The following ASIC2 variants were observed in gnomAD, a reference collection of about 807,000 sequenced individuals.
ASIC2 encodes acid-sensing ion channel 2.
Under a neutral mutation model 57.3 loss-of-function variants are expected in ASIC2, and 25 were observed. That is an observed-to-expected ratio of 0.44 (90% CI 0.32 to 0.61). The LOEUF is 0.61. Ranked by LOEUF, ASIC2 falls within the 20% of genes least tolerant of loss-of-function variation. The pLI is 0.06. For missense variants in ASIC2, 641 were observed against 738.1 expected, an observed-to-expected ratio of 0.87 and a Z score of 1.52; for synonymous variants, 319 against 307.5, an observed-to-expected ratio of 1.04 and a Z score of -0.39.
At chr17:33,207,898 T>C (rs1466783081) in intron 1 of ASIC2, among the ~76,000 whole-genome samples, 2 of 152,234 alleles carry the variant, frequency 1.3e-5, no homozygotes, top group African/African-American at 2.4e-5. Context: ...GCCAACTTGA[T>C]TAATAATGTA....
intron 1 of ASIC2, among the ~76,000 whole-genome samples, chr17:33,139,903 A>G (rs1389172458): frequency 6.6e-6 from 1 of 152,254 alleles, no homozygotes; most frequent in African/African-American, 2.4e-5. Flanking sequence ...CACGGTACAG[A>G]AACTCAGTCT....
chr17:33,358,044 A>G (rs201811833), intron 1 of ASIC2, among the ~76,000 whole-genome samples: 2 of 152,192 alleles, frequency 1.3e-5, no homozygotes, highest in African/African-American at 2.4e-5. Context: ...TTTGACAATC[A>G]TATATTCTGG....
intron 1 of ASIC2, among the ~76,000 whole-genome samples, chr17:33,559,182 G>A (rs1366941084): frequency 6.6e-6 from 1 of 152,150 alleles, no homozygotes; most frequent in Admixed American, 6.5e-5. Flanking sequence ...TTGACTTCTA[G>A]TATTTTTGCT....
intron 1 of ASIC2, among the ~76,000 whole-genome samples, chr17:33,812,867 G>T (rs1912466258): frequency 6.6e-6 from 1 of 152,194 alleles, no homozygotes; most frequent in Admixed American, 6.5e-5. Context: ...ACCTCTCACT[G>T]GGTGTGGGTC....
At chr17:33,573,082 C>A (rs1916503300) in intron 1 of ASIC2, among the ~76,000 whole-genome samples, 1 of 152,158 alleles carries the variant, frequency 6.6e-6, no homozygotes, top group Admixed American at 6.5e-5. Flanking sequence ...AGGTGCCAAT[C>A]TTCAGAGGGG....
intron 1 of ASIC2, among the ~76,000 whole-genome samples, chr17:33,928,199 G>A (rs1165765715): frequency 6.6e-6 from 1 of 152,202 alleles, no homozygotes; most frequent in Non-Finnish European, 1.5e-5. Context: ...GGAAACCCAT[G>A]TTATTTCAGA....
chr17:34,059,513 C>T (rs1045182722), intron 1 of ASIC2, among the ~76,000 whole-genome samples: 7 of 152,162 alleles, frequency 4.6e-5, no homozygotes, highest in African/African-American at 1.7e-4. Context: ...GGGCAGGGCG[C>T]AAATTGGGCG....
intron 1 of ASIC2, among the ~76,000 whole-genome samples, chr17:33,526,589 C>T (rs1914890182): frequency 6.6e-6 from 1 of 150,398 alleles, no homozygotes; most frequent in South Asian, 2.1e-4. Context: ...AGAGTAGGCA[C>T]TCACTAAGAA....
intron 1 of ASIC2, among the ~76,000 whole-genome samples, chr17:34,074,333 T>C (rs1567810004): frequency 6.6e-6 from 1 of 152,112 alleles, no homozygotes; most frequent in Non-Finnish European, 1.5e-5. Flanking sequence ...GATCCCCAAA[T>C]CTAGTTATTA....
intron 1 of ASIC2, among the ~76,000 whole-genome samples, chr17:34,049,242 T>C (rs1351385429): frequency 6.6e-6 from 1 of 152,070 alleles, no homozygotes; most frequent in Non-Finnish European, 1.5e-5. Context: ...CAGTGAACCA[T>C]GGATTGTGTC....
chr17:33,295,721 G>A (rs941938875), upstream of ASIC2, among the ~76,000 whole-genome samples: 2 of 152,118 alleles, frequency 1.3e-5, no homozygotes, highest in African/African-American at 4.8e-5. Flanking sequence ...CACTGTTACC[G>A]GGGAAGAGGA....
intron 1 of ASIC2, among the ~76,000 whole-genome samples, chr17:33,697,717 C>T (rs1908570501): frequency 6.6e-6 from 1 of 152,204 alleles, no homozygotes; most frequent in Non-Finnish European, 1.5e-5. Context: ...CTAAGGACTG[C>T]TGCTCTTAAA....
intron 1 of ASIC2, among the ~76,000 whole-genome samples, chr17:33,497,568 G>T (rs1405444577): frequency 6.6e-6 from 1 of 152,184 alleles, no homozygotes; most frequent in African/African-American, 2.4e-5. Flanking sequence ...AGAATGCAGA[G>T]AAGTCTAGTT....
At chr17:33,579,569 G>A (rs1415744935) in intron 1 of ASIC2, among the ~76,000 whole-genome samples, 1 of 152,114 alleles carries the variant, frequency 6.6e-6, no homozygotes, top group Non-Finnish European at 1.5e-5. Flanking sequence ...AGACCCTACT[G>A]GTGAGTGTTA....
intron 1 of ASIC2, among the ~76,000 whole-genome samples, chr17:34,016,095 G>A (rs184041120): frequency 6.3e-4 from 96 of 152,320 alleles, no homozygotes; most frequent in Middle Eastern, 6.8e-3. Flanking sequence ...AAAAGTATAA[G>A]ATGTGCTCAT....
At chr17:33,432,100 G>A (rs1206672005) in intron 1 of ASIC2, among the ~76,000 whole-genome samples, 1 of 152,166 alleles carries the variant, frequency 6.6e-6, no homozygotes. Flanking sequence ...AACAACATGA[G>A]GTTGAGCTGC....
chr17:33,576,300 G>A (rs1164044367), intron 1 of ASIC2, among the ~76,000 whole-genome samples: 1 of 152,140 alleles, frequency 6.6e-6, no homozygotes, highest in East Asian at 1.9e-4. Flanking sequence ...TTCAAATCCT[G>A]TTTCTAGCCA....
chr17:33,674,064 T>G (rs1907729711), intron 1 of ASIC2, among the ~76,000 whole-genome samples: 1 of 152,130 alleles, frequency 6.6e-6, no homozygotes, highest in African/African-American at 2.4e-5. Flanking sequence ...CAGCTAATTT[T>G]TTTGTATTTT....
intron 1 of ASIC2, among the ~76,000 whole-genome samples, chr17:34,109,215 T>C (rs1427854928): frequency 3.9e-5 from 6 of 152,190 alleles, no homozygotes; most frequent in Non-Finnish European, 7.4e-5. Context: ...TTTTGTTTTC[T>C]GTTTAACTCT....
Sources: gnomAD v4.1 joint callset for allele counts (sites outside exome capture counted in the v4.1 genomes callset) on GRCh38, gnomAD v4.1.1 for gene constraint, MANE v1.5 for transcripts, NCBI Gene and HGNC (gene_info 2026-07-23, HGNC 2026-07-21) for gene names.